The following IL2RB variants were observed in gnomAD, a reference collection of about 807,000 sequenced individuals.
IL2RB encodes the protein interleukin-2 receptor subunit beta.
Under a neutral mutation model 44.2 loss-of-function variants are expected in IL2RB, and 17 were observed. That is an observed-to-expected ratio of 0.38 (90% CI 0.26 to 0.58). The LOEUF (loss-of-function observed/expected upper bound fraction) is 0.58. Among genes scored for constraint, IL2RB ranks in the 20% least tolerant of loss-of-function variants. IL2RB has a pLI of 0.63. For synonymous variants in IL2RB, 286 were observed against 297.9 expected (o/e 0.96, Z 0.41); for missense variants, 624 against 685.5 (o/e 0.91, Z 1.00).
intron 1 of IL2RB, among the ~76,000 whole-genome samples, chr22:37,155,355 G>T (rs951738975): frequency 7.9e-5 from 12 of 152,068 alleles, no homozygotes; most frequent in African/African-American, 1.9e-4. Context: ...CTCAAATCAC[G>T]TCATTTCACC....
At chr22:37,153,229 C>T (rs1213976019), upstream of IL2RB, among the ~76,000 whole-genome samples, 1 of 152,150 alleles carries the variant, frequency 6.6e-6, no homozygotes, top group Non-Finnish European at 1.5e-5. Flanking sequence ...GCCACTGCGC[C>T]CAGCCTGCCA....
At chr22:37,142,738 G>T in intron 3 of IL2RB, 1 of 688,958 alleles carries the variant, frequency 1.5e-6, no homozygotes, top group Non-Finnish European at 2.7e-6. Flanking sequence ...TGGTCCCACG[G>T]CAGCTGGAGT....
At chr22:37,137,557 A>C in intron 6 of IL2RB, 30 bp downstream of exon 6, 1 of 1,612,258 alleles carries the variant, frequency 6.2e-7, no homozygotes, top group Non-Finnish European at 8.5e-7. Flanking sequence ...GGAGGAACCA[A>C]GGCAGGTACG....
chr22:37,149,304 C>T (rs1208627383), intron 1 of IL2RB, among the ~76,000 whole-genome samples: 3 of 152,174 alleles, frequency 2.0e-5, no homozygotes, highest in South Asian at 2.1e-4. Context: ...CCAGAGGCCT[C>T]GCAGCAACTT....
Position 37,132,389 on chromosome 22 carries a change from C to G in IL2RB, c.898G>C (p.Val300Leu), listed in dbSNP as rs761168524. Residue 300 changes from valine (V) to leucine (L), a missense_variant, in exon 9 of 10, where the codon GTC (valine) becomes CTC (leucine). By Grantham distance (32) the Val-to-Leu change is conservative. Around this residue, in one of 3 missense-constraint regions of IL2RB, gnomAD observed 255 missense variants for 339.9 expected, o/e 0.75. Coordinates refer to ENST00000216223, the MANE Select transcript of IL2RB (RefSeq NM_000878.5). Reference sequence around the variant, plus strand: ...TCCCCGCCCCGGCCTCCTACCTGGACGTCTCCTCCATGCTCTGAGCTCAGC... The same window carrying G: ...TCCCCGCCCCGGCCTCCTACCTGGAGGTCTCCTCCATGCTCTGAGCTCAGC... ...SQLSSEHGGD[V>L]QKWLSSPFPS... 1 of 1,613,684 alleles carries G rather than the reference C, an allele frequency of 6.2e-7. No individual in the cohort carries two copies. Among genetic ancestry groups the G allele is most frequent in the Non-Finnish European group, 8.5e-7 (1 of 1,179,790 alleles).
At chr22:37,150,619 C>T (rs1922449224), upstream of IL2RB, among the ~76,000 whole-genome samples, 1 of 152,068 alleles carries the variant, frequency 6.6e-6, no homozygotes, top group South Asian at 2.1e-4. Context: ...TTTAAATGTA[C>T]AATAAATTAT....
At chr22:37,144,458 C>T (rs1008523852) in intron 1 of IL2RB, among the ~76,000 whole-genome samples, 1 of 152,220 alleles carries the variant, frequency 6.6e-6, no homozygotes, top group African/African-American at 2.4e-5. Context: ...AAGAAGCACC[C>T]GTCGTGGCCA....
chr22:37,155,172 G>A (rs1365036100), intron 1 of IL2RB, among the ~76,000 whole-genome samples: 1 of 152,124 alleles, frequency 6.6e-6, no homozygotes, highest in Non-Finnish European at 1.5e-5. Context: ...GTGGCCAGCA[G>A]GGGTGTGCAG....
intron 1 of IL2RB, among the ~76,000 whole-genome samples, chr22:37,155,691 G>A (rs1385122389): frequency 6.6e-6 from 1 of 152,238 alleles, no homozygotes; most frequent in East Asian, 1.9e-4. Context: ...TCTGATGGCA[G>A]AGCCCTGACA....
intron 1 of IL2RB, among the ~76,000 whole-genome samples, chr22:37,159,173 G>T (rs978961456): frequency 3.9e-5 from 6 of 152,134 alleles, no homozygotes; most frequent in African/African-American, 9.7e-5. Flanking sequence ...GAAAAAGGAC[G>T]TGTGATGTTT....
chr22:37,142,736 C>A, intron 3 of IL2RB: 1 of 692,778 alleles, frequency 1.4e-6, no homozygotes, highest in Admixed American at 2.1e-5. Flanking sequence ...CCTGGTCCCA[C>A]GGCAGCTGGA....
At chr22:37,130,821 C>A (rs1262090743) in intron 9 of IL2RB, among the ~76,000 whole-genome samples, 1 of 152,224 alleles carries the variant, frequency 6.6e-6, no homozygotes, top group Non-Finnish European at 1.5e-5. Flanking sequence ...TCTTGCTACC[C>A]TCAAGGCTGA....
chr22:37,171,076 C>A (rs765952696), intron 1 of IL2RB, among the ~76,000 whole-genome samples: 7 of 152,202 alleles, frequency 4.6e-5, no homozygotes, highest in Non-Finnish European at 1.0e-4. Flanking sequence ...CTCTGCCTCC[C>A]GGGTTCAAGC....
chr22:37,149,580 C>T (rs1922390965), intron 1 of IL2RB, among the ~76,000 whole-genome samples: 1 of 152,216 alleles, frequency 6.6e-6, no homozygotes, highest in African/African-American at 2.4e-5. Context: ...AGTCCCTAGC[C>T]TCCCCTGAAT....
chr22:37,148,852 G>A (rs1281135937), intron 1 of IL2RB, among the ~76,000 whole-genome samples: 2 of 152,128 alleles, frequency 1.3e-5, no homozygotes, highest in African/African-American at 2.4e-5. Flanking sequence ...TATGGTGGCT[G>A]GGGCAGGGTG....
chr22:37,150,285 C>T (rs775299397), upstream of IL2RB, among the ~76,000 whole-genome samples: 7 of 152,094 alleles, frequency 4.6e-5, no homozygotes, highest in Non-Finnish European at 8.8e-5. Flanking sequence ...CCCACTAATA[C>T]GTAGGCTTCA....
chr22:37,171,127 G>A (rs755417098), intron 1 of IL2RB, among the ~76,000 whole-genome samples: 1 of 152,126 alleles, frequency 6.6e-6, no homozygotes, highest in Non-Finnish European at 1.5e-5. Context: ...GGGACTACAG[G>A]CGCGGCCACC....
intron 4 of IL2RB, among the ~76,000 whole-genome samples, chr22:37,139,499 T>C (rs1312854074): frequency 1.3e-5 from 2 of 152,176 alleles, no homozygotes; most frequent in African/African-American, 2.4e-5. Context: ...CCAGTAAAAC[T>C]TTATTTAGAA....
intron 1 of IL2RB, among the ~76,000 whole-genome samples, chr22:37,154,924 GT>G (rs1360037953): frequency 2.6e-5 from 4 of 152,106 alleles, no homozygotes; most frequent in Non-Finnish European, 5.9e-5. Context: ...ATCCAGTGAA[GT>G]TTTGGGTAGA....
Sources: gnomAD v4.1 joint callset for allele counts (sites outside exome capture counted in the v4.1 genomes callset) on GRCh38, gnomAD v4.1.1 for gene constraint, gnomAD v4.1.1 regional missense constraint, MANE v1.5 for transcripts, NCBI Gene and HGNC (gene_info 2026-07-23, HGNC 2026-07-21) for gene names.